ITGA9: variants seen among roughly 807,000 people sequenced by gnomAD.
The protein encoded by ITGA9 is integrin alpha-9.
A neutral mutation model predicts 127.8 loss-of-function variants in ITGA9; 56 were observed. The observed-to-expected ratio is 0.44, with a 90% CI of 0.35 to 0.55. The LOEUF (loss-of-function observed/expected upper bound fraction) is 0.55. Ranked by LOEUF, ITGA9 falls within the 20% of genes least tolerant of loss-of-function variation. The probability of loss-of-function intolerance (pLI) is 0.00; values close to 1 mark genes in which losing one functional copy is unlikely to be tolerated. For missense variants in ITGA9, 1,196 were observed against 1,347.1 expected (o/e 0.89, Z 1.76); for synonymous variants, 508 against 514.5 (o/e 0.99, Z 0.17).
At chr3:37,544,352 A>T (rs1290227181) in intron 15 of ITGA9, among the ~76,000 whole-genome samples, 4 of 152,214 alleles carry the variant, frequency 2.6e-5, no homozygotes, top group Non-Finnish European at 5.9e-5. Context: ...AGACTTAGCA[A>T]ATAAAACTAT....
intron 18 of ITGA9, among the ~76,000 whole-genome samples, chr3:37,732,221 C>G (rs942993844): frequency 1.3e-5 from 2 of 152,158 alleles, no homozygotes; most frequent in African/African-American, 4.8e-5. Flanking sequence ...TCCCCACACC[C>G]TGGGGAGACT....
intron 5 of ITGA9, among the ~76,000 whole-genome samples, chr3:37,502,055 C>G (rs1579068458): frequency 6.6e-6 from 1 of 152,154 alleles, no homozygotes; most frequent in Admixed American, 6.5e-5. Context: ...CAGCAGATAT[C>G]TGTGCTGACT....
chr3:37,639,157 A>T (rs995057421), intron 16 of ITGA9, among the ~76,000 whole-genome samples: 7 of 152,246 alleles, frequency 4.6e-5, no homozygotes, highest in Non-Finnish European at 8.8e-5. Flanking sequence ...CATCTGTCTC[A>T]TCAGAAAGGG....
intron 26 of ITGA9, among the ~76,000 whole-genome samples, chr3:37,793,831 T>C (rs965188839): frequency 6.6e-6 from 1 of 152,174 alleles, no homozygotes; most frequent in Non-Finnish European, 1.5e-5. Context: ...CACTCCTGTA[T>C]CTGCCAGTCA....
At chr3:37,472,331 T>C (rs1343129516) in intron 2 of ITGA9, among the ~76,000 whole-genome samples, 1 of 152,240 alleles carries the variant, frequency 6.6e-6, no homozygotes, top group Non-Finnish European at 1.5e-5. Context: ...GTTATAATCA[T>C]GACTGCAAGC....
chr3:37,479,923 A>T (rs1389561619), intron 3 of ITGA9, among the ~76,000 whole-genome samples: 1 of 152,222 alleles, frequency 6.6e-6, no homozygotes, highest in African/African-American at 2.4e-5. Flanking sequence ...GAGGTAGGCC[A>T]TAAGAACGCT....
chr3:37,763,187 T>G (rs964754887), intron 23 of ITGA9, among the ~76,000 whole-genome samples: 3 of 152,192 alleles, frequency 2.0e-5, no homozygotes, highest in Admixed American at 6.5e-5. Context: ...ATATAGTTTA[T>G]TACATGATGG....
chr3:37,504,114 C>T (rs897010672), intron 6 of ITGA9, among the ~76,000 whole-genome samples: 1 of 152,140 alleles, frequency 6.6e-6, no homozygotes, highest in Non-Finnish European at 1.5e-5. Flanking sequence ...GTTAGGGAGT[C>T]GTTGACTTGC....
At chr3:37,471,156 G>C (rs11709385) in intron 2 of ITGA9, 22 bp downstream of exon 2, 1,024,376 of 1,611,564 alleles carry the variant, frequency 0.64, 329,406 homozygotes, top group Middle Eastern at 0.74. Flanking sequence ...TTACTGCTGT[G>C]GTGGAAATGG....
intron 17 of ITGA9, among the ~76,000 whole-genome samples, chr3:37,664,792 A>C (rs1033654029): frequency 6.6e-6 from 1 of 152,066 alleles, no homozygotes; most frequent in African/African-American, 2.4e-5. Flanking sequence ...GCATGCCAGC[A>C]GTTTCCTAAA....
At chr3:37,613,748 T>G (rs1575167361) in intron 15 of ITGA9, among the ~76,000 whole-genome samples, 1 of 152,262 alleles carries the variant, frequency 6.6e-6, no homozygotes, top group African/African-American at 2.4e-5. Flanking sequence ...GTCTTTTGGC[T>G]GCATAAATGT....
intron 22 of ITGA9, chr3:37,749,374 A>T (rs938215844): frequency 1.3e-5 from 2 of 153,462 alleles, no homozygotes; most frequent in African/African-American, 4.8e-5. Flanking sequence ...CTTGATTAGC[A>T]ACCTTAATTC....
intron 16 of ITGA9, among the ~76,000 whole-genome samples, chr3:37,652,207 CTG>C (rs939946321): frequency 6.6e-6 from 1 of 152,110 alleles, no homozygotes; most frequent in African/African-American, 2.4e-5. Context: ...GACCTCTAAG[CTG>C]AAGTTTCACT....
intron 15 of ITGA9, among the ~76,000 whole-genome samples, chr3:37,620,484 A>AT (rs1391171729): frequency 1.3e-5 from 2 of 152,002 alleles, no homozygotes; most frequent in East Asian, 3.9e-4. Flanking sequence ...CTTGACATCC[A>AT]TTTCTCTAAT....
intron 17 of ITGA9, among the ~76,000 whole-genome samples, chr3:37,682,626 TG>T (rs1389914418): frequency 6.6e-6 from 1 of 152,198 alleles, no homozygotes; most frequent in Non-Finnish European, 1.5e-5. Context: ...TGCATCCACC[TG>T]CCTCAAAATC....
At chr3:37,592,202 G>C (rs181144451) in intron 15 of ITGA9, among the ~76,000 whole-genome samples, 2 of 152,244 alleles carry the variant, frequency 1.3e-5, no homozygotes, top group South Asian at 4.1e-4. Flanking sequence ...GTAACCCTGT[G>C]TATACCTGTA....
At position 37,799,367 on chromosome 3, in the gene ITGA9, C is replaced by T. The variant is rs1299558699; in HGVS notation, c.2890-4456C>T. Among the ~76,000 whole-genome samples the T allele has an allele frequency of 1.3e-5, 2 of 152,008 alleles. No homozygotes were observed. The highest frequency in any genetic ancestry group is 4.2e-4 in the South Asian group (2 of 4,798). ...CTGATTTTTGTATTTTTAGTAGACA[C>T]GAGGTTTCACCATGTTGGCCAGACT... is the stretch of plus-strand genomic sequence containing the variant. On this transcript the variant is annotated intron_variant, in intron 26 of 27. Transcript: ENST00000264741. This position sits in a 1 kb window ranked among gnomAD's most constrained non-coding sequence, Gnocchi z 4.0.
At chr3:37,562,310 C>T (rs1699499877) in intron 15 of ITGA9, among the ~76,000 whole-genome samples, 1 of 152,194 alleles carries the variant, frequency 6.6e-6, no homozygotes, top group African/African-American at 2.4e-5. Context: ...CTGTCCCCAT[C>T]CCCACTGCCT....
chr3:37,483,558 C>T (rs1698578582), intron 4 of ITGA9, among the ~76,000 whole-genome samples: 1 of 152,144 alleles, frequency 6.6e-6, no homozygotes, highest in Non-Finnish European at 1.5e-5. Flanking sequence ...GTTACCTGGG[C>T]GAGTGGGTGC....
Sources: allele counts gnomAD v4.1 joint callset (sites outside exome capture counted in the v4.1 genomes callset), GRCh38; gene constraint gnomAD v4.1.1; non-coding constraint Gnocchi (gnomAD v3.1); transcripts MANE v1.5; gene names NCBI Gene and HGNC (gene_info 2026-07-23, HGNC 2026-07-21).